EPS8: variants seen among roughly 807,000 people sequenced by gnomAD.
The protein encoded by EPS8 is EGFR pathway substrate 8, signaling adaptor.
EPS8 carries 42 observed loss-of-function variants against 103.8 expected under a neutral mutation model. The observed-to-expected ratio is 0.40, with a 90% CI of 0.32 to 0.52. The LOEUF (loss-of-function observed/expected upper bound fraction) is 0.52, where lower values mean the gene tolerates loss of function less well. EPS8 is among the 20% of genes least tolerant of loss of function. The pLI, the probability that EPS8 is intolerant of heterozygous loss-of-function variation, is 0.40. For synonymous variants in EPS8, 344 were observed against 344.6 expected (o/e 1.00, Z 0.02); for missense variants, 969 against 1,005.1 (o/e 0.96, Z 0.49).
intron 1 of EPS8, among the ~76,000 whole-genome samples, chr12:15,742,762 C>CA (rs1946838142): frequency 6.6e-6 from 1 of 152,106 alleles, no homozygotes; most frequent in Non-Finnish European, 1.5e-5. Flanking sequence ...GGATGTATCT[C>CA]AAAATAAGAG....
intron 15 of EPS8, among the ~76,000 whole-genome samples, chr12:15,645,626 C>T (rs1477430599): frequency 6.6e-6 from 1 of 152,088 alleles, no homozygotes; most frequent in Non-Finnish European, 1.5e-5. Flanking sequence ...TTAAAAGACT[C>T]TGTGGTAAGG....
chr12:15,766,103 C>G (rs1041442607), intron 1 of EPS8, among the ~76,000 whole-genome samples: 2 of 151,620 alleles, frequency 1.3e-5, no homozygotes, highest in Non-Finnish European at 2.9e-5. Flanking sequence ...CGTGAGCCAC[C>G]TGCAACCGGC....
At chr12:15,649,308 T>C (rs924671206) in intron 14 of EPS8, among the ~76,000 whole-genome samples, 1 of 152,232 alleles carries the variant, frequency 6.6e-6, no homozygotes, top group South Asian at 2.1e-4. Flanking sequence ...TTCTGAGGCA[T>C]ACATTATAAA....
rs1367853992 is a variant in EPS8, at chr12:15,787,601, G to A, written c.-22+1560C>T. ...TTACAAAGAGAATGCACCAAGTCTT[G>A]TAAACAGCGGTTATCTCAGAATAGT... On this transcript the variant is annotated intron_variant, in intron 1 of 20. Coordinates refer to ENST00000281172, the MANE Select transcript of EPS8 (RefSeq NM_004447.6). This position sits in a 1 kb window ranked among gnomAD's most constrained non-coding sequence, Gnocchi z 4.9. 1.3e-5 allele frequency among the ~76,000 whole-genome samples: 2 copies of A among 152,146 alleles called. No individual in the cohort carries two copies. Among genetic ancestry groups the A allele is most frequent in the Non-Finnish European group, 2.9e-5 (2 of 68,010 alleles).
chr12:15,774,984 C>T (rs551444913), intron 1 of EPS8, among the ~76,000 whole-genome samples: 31 of 152,130 alleles, frequency 2.0e-4, no homozygotes, highest in African/African-American at 7.0e-4. Context: ...AGTTATGAAT[C>T]TTTCATTCAT....
rs751193685 is a variant in EPS8, at chr12:15,731,411, G to A, written c.-21-48439C>T. Among the ~76,000 whole-genome samples the A allele has an allele frequency of 2.0e-5, 3 of 151,980 alleles. No individual in the cohort carries two copies. The highest frequency in any genetic ancestry group is 2.9e-5 in the Non-Finnish European group (2 of 68,010). On this transcript the variant is annotated intron_variant, in intron 1 of 20. Coordinates refer to ENST00000281172, the MANE Select transcript of EPS8 (RefSeq NM_004447.6). This position sits in a 1 kb window ranked among gnomAD's most constrained non-coding sequence, Gnocchi z 5.1. The stretch of plus-strand genomic sequence containing the variant: ...CTTCCCAGGTTCGAGCTACTCTCCT[G>A]CCTCAGATTCCCAAAAGCTGGGATT...
At chr12:15,676,517 A>G (rs978615569) in intron 3 of EPS8, among the ~76,000 whole-genome samples, 1 of 152,162 alleles carries the variant, frequency 6.6e-6, no homozygotes, top group African/African-American at 2.4e-5. Flanking sequence ...TTCACAGTGC[A>G]TAAGCTAATG....
In EPS8 at chr12:15,669,653, T is replaced by G; in HGVS notation, c.366+11A>C. ...CTTGAAAATAAAATAGTATAAATTT[T>G]ACACACTTGCCTTTGATTCTAAATC... On this transcript the variant is annotated intron_variant, in intron 5 of 20. Transcript: ENST00000281172. 6.3e-7 allele frequency: 1 copy of G among 1,581,956 alleles called. No homozygotes were observed. The highest frequency in any genetic ancestry group is 8.6e-7 in the Non-Finnish European group (1 of 1,164,986).
rs1947288036 is a variant in EPS8, at chr12:15,784,253, G to A, written c.-22+4908C>T. On this transcript the variant is annotated intron_variant, in intron 1 of 20. Coordinates refer to ENST00000281172, the MANE Select transcript of EPS8 (RefSeq NM_004447.6). The surrounding 1 kb of genome is among the most constrained non-coding windows in gnomAD (Gnocchi z 4.0). ...ATTTGCAAAACACATATCTGATAAA[G>A]TGCCTGTATACAAAATGTATAAAGA... is the stretch of plus-strand genomic sequence containing the variant. Among the ~76,000 whole-genome samples, 1 of 152,076 alleles carries A rather than the reference G, an allele frequency of 6.6e-6. No individual in the cohort carries two copies. The highest frequency in any genetic ancestry group is 2.1e-4 in the South Asian group (1 of 4,834).
intron 15 of EPS8, among the ~76,000 whole-genome samples, chr12:15,646,419 T>C (rs1368298466): frequency 1.3e-5 from 2 of 152,196 alleles, no homozygotes; most frequent in South Asian, 2.1e-4. Context: ...CCTTCTCCTA[T>C]AACCGTGTTA....
rs1485322156 is a variant in EPS8 at position 15,745,045 on chromosome 12, G to A, written c.-22+44116C>T. On this transcript the variant is annotated intron_variant, in intron 1 of 20. Coordinates refer to ENST00000281172, the MANE Select transcript of EPS8 (RefSeq NM_004447.6). The surrounding 1 kb of genome is among the most constrained non-coding windows in gnomAD (Gnocchi z 4.6). Reference sequence around the variant, plus strand: ...CGCCCAGCTAATTTTTGTATTTTTAGTAGAGATGGGTTTCACCACGTTGGA... The same window carrying A: ...CGCCCAGCTAATTTTTGTATTTTTAATAGAGATGGGTTTCACCACGTTGGA... 6.6e-6 allele frequency among the ~76,000 whole-genome samples: 1 copy of A among 152,034 alleles called. No individual in the cohort carries two copies. Among genetic ancestry groups the A allele is most frequent in the African/African-American group, 2.4e-5 (1 of 41,390 alleles).
At chr12:15,662,803 A>C (rs10846228) in intron 8 of EPS8, 196,895 of 220,620 alleles carry the variant, frequency 0.89, 89,549 homozygotes, top group Non-Finnish European at 0.96. Flanking sequence ...GTTGTTACAG[A>C]TATCTCATGG....
At chr12:15,673,565 C>A (rs1266185179) in intron 3 of EPS8, among the ~76,000 whole-genome samples, 4 of 152,116 alleles carry the variant, frequency 2.6e-5, no homozygotes, top group Non-Finnish European at 4.4e-5. Flanking sequence ...CAAGATGAAT[C>A]CTCTAATGAA....
chr12:15,654,360 C>T, intron 12 of EPS8, 67 bp from the exon 13 acceptor site: 1 of 1,457,852 alleles, frequency 6.9e-7, no homozygotes, highest in Non-Finnish European at 9.5e-7. Flanking sequence ...AATGTGTGGA[C>T]AAAAACCCAT....
At chr12:15,788,851 T>C (rs1414454451) in intron 1 of EPS8, among the ~76,000 whole-genome samples, 2 of 152,246 alleles carry the variant, frequency 1.3e-5, no homozygotes, top group East Asian at 1.9e-4. Context: ...CGCAGGTGTA[T>C]CTGCGGAAGC....
At chr12:15,632,159 C>T (rs1218042886) in intron 17 of EPS8, among the ~76,000 whole-genome samples, 1 of 151,936 alleles carries the variant, frequency 6.6e-6, no homozygotes, top group Non-Finnish European at 1.5e-5. Context: ...CAAGGCATAA[C>T]TTTTTCTGCC....
chr12:15,753,366 G>T (rs1220189053), intron 1 of EPS8, among the ~76,000 whole-genome samples: 1 of 152,110 alleles, frequency 6.6e-6, no homozygotes, highest in African/African-American at 2.4e-5. Flanking sequence ...GAATGACAAG[G>T]TCTTTGTGTC....
rs577993163 is a variant in EPS8 at position 15,742,042 on chromosome 12, C to T, written c.-22+47119G>A. On this transcript the variant is annotated intron_variant, in intron 1 of 20. Coordinates refer to ENST00000281172, the MANE Select transcript of EPS8 (RefSeq NM_004447.6). ...TCCATGTCCCTACAAAGGACATGAACTCATCCTTTTTTATGGCTGCATAGT... is the reference window on the plus strand; with the variant it reads ...TCCATGTCCCTACAAAGGACATGAATTCATCCTTTTTTATGGCTGCATAGT... Among the ~76,000 whole-genome samples, 589 of 152,288 alleles carry T rather than the reference C, an allele frequency of 3.9e-3. 1 individual carries two copies. The highest frequency in any genetic ancestry group is 6.9e-3 in the Non-Finnish European group (467 of 68,020).
intron 15 of EPS8, among the ~76,000 whole-genome samples, chr12:15,644,548 A>G (rs1945287480): frequency 6.6e-6 from 1 of 152,120 alleles, no homozygotes; most frequent in African/African-American, 2.4e-5. Context: ...CATACAAAAA[A>G]TTAGCCGGGC....
Sources: allele counts gnomAD v4.1 joint callset (sites outside exome capture counted in the v4.1 genomes callset), GRCh38; gene constraint gnomAD v4.1.1; non-coding constraint Gnocchi (gnomAD v3.1); transcripts MANE v1.5; gene names NCBI Gene and HGNC (gene_info 2026-07-23, HGNC 2026-07-21).